Variants in RGS9 observed in about 807,000 individuals in gnomAD.
RGS9 encodes regulator of G protein signaling 9.
Under a neutral mutation model 102.0 loss-of-function variants are expected in RGS9, and 78 were observed. The observed-to-expected ratio is 0.76, with a 90% CI of 0.64 to 0.92. The LOEUF is 0.92. Ranked by LOEUF, RGS9 falls within the 40% of genes least tolerant of loss-of-function variation. The pLI is 0.00. For synonymous variants in RGS9, 353 were observed against 318.6 expected, an observed-to-expected ratio of 1.11 and a Z score of -1.15; for missense variants, 833 against 866.1, an observed-to-expected ratio of 0.96 and a Z score of 0.48.
intron 9 of RGS9, among the ~76,000 whole-genome samples, chr17:65,187,900 G>A (rs1341286562): frequency 6.6e-6 from 1 of 152,162 alleles, no homozygotes; most frequent in Non-Finnish European, 1.5e-5. Flanking sequence ...GGAGACTGAA[G>A]CAGGAGAATC....
chr17:65,182,905 T>G (rs1162734531), intron 9 of RGS9, among the ~76,000 whole-genome samples: 1 of 152,216 alleles, frequency 6.6e-6, no homozygotes, highest in Non-Finnish European at 1.5e-5. Context: ...TTCTGAACAG[T>G]GAACTGCATT....
intron 18 of RGS9, among the ~76,000 whole-genome samples, chr17:65,226,039 C>T (rs988044942): frequency 2.0e-5 from 3 of 152,156 alleles, no homozygotes; most frequent in South Asian, 2.1e-4. Context: ...AATGAAAGTG[C>T]GTAGCCTTTG....
intron 9 of RGS9, chr17:65,188,916 T>C (rs1284162526): frequency 7.3e-6 from 2 of 274,398 alleles, no homozygotes; most frequent in East Asian, 8.9e-5. Flanking sequence ...CACCTGGCCT[T>C]CCCCATTTTT....
intron 15 of RGS9, among the ~76,000 whole-genome samples, chr17:65,205,542 TTGATATAGGTTATA>T (rs1436080755): frequency 2.0e-5 from 3 of 151,946 alleles, no homozygotes; most frequent in Admixed American, 6.6e-5. Context: ...TATAGGCTAT[TTGATATAGGTTATA>T]TGATATAGGT....
chr17:65,154,150 T>C (rs1313001427), intron 2 of RGS9, among the ~76,000 whole-genome samples: 1 of 150,900 alleles, frequency 6.6e-6, no homozygotes, highest in Non-Finnish European at 1.5e-5. Flanking sequence ...CTTCTAAAAA[T>C]ACAAAAATTA....
rs56275900 is a variant in RGS9, at chr17:65,179,635, CTGTGTGTGTGTGTGTGTGTG to C, written c.654+1860_654+1879del. On this transcript the variant is annotated intron_variant, in intron 9 of 18. Transcript: ENST00000262406. Reference sequence around the variant, plus strand: ...TGACCCAAGCCAGGATACTGCTCAGCTGTGTGTGTGTGTGTGTGTGTGTGTGTGTGTGTGTGTGTGTGTGT... The same window carrying C: ...TGACCCAAGCCAGGATACTGCTCAGCTGTGTGTGTGTGTGTGTGTGTGTGT... 8.0e-5 allele frequency among the ~76,000 whole-genome samples: 10 copies of C among 125,086 alleles called. No homozygotes were observed. In the East Asian group the frequency reaches 1.2e-3, roughly 15 times the overall value. 82.1% of individuals were successfully genotyped at this position (125,086 alleles called of 152,430 possible).
chr17:65,163,018 T>G lies in RGS9; in HGVS notation c.429T>G (p.Asn143Lys), dbSNP rs760791260. ...KGILEEYEKE[N>K]YNFLNQKMNY... is the part of the protein sequence containing the mutation. ...ATTTTGTTTTTCTTCTTTAGGAAAATTACAATTTCTTGAACCAAAAAATGA... is the reference window on the plus strand; with the variant it reads ...ATTTTGTTTTTCTTCTTTAGGAAAAGTACAATTTCTTGAACCAAAAAATGA... The change falls in exon 7 of 19, where the codon AAT becomes AAG. Residue 143 changes from asparagine (N) to lysine (K), a missense_variant. Asn to Lys is a moderately conservative substitution (Grantham distance 94, BLOSUM62 0). Around this residue, in one of 3 missense-constraint regions of RGS9, gnomAD observed 328 missense variants for 340.6 expected, o/e 0.96. Transcript: ENST00000262406. The G allele has an allele frequency of 3.2e-6, 5 of 1,559,644 alleles. No homozygotes were observed. Among genetic ancestry groups the G allele is most frequent in the Non-Finnish European group, 4.4e-6 (5 of 1,131,654 alleles).
At position 65,225,010 on chromosome 17, in the gene RGS9, G is replaced by A. The variant is rs1417559518; in HGVS notation, c.1416G>A (p.Gln472=). 10 of 1,613,676 alleles carry A rather than the reference G, an allele frequency of 6.2e-6. No homozygotes were observed. The highest frequency in any genetic ancestry group is 8.5e-6 in the Non-Finnish European group (10 of 1,180,004). ...ANTVDITQPG[Q]HMAPSPHLTV... ...CCTTTCCTTCTCTACAGCCGGGCCA[G>A]CACATGGCTCCCAGCCCCCATCTGA... The change falls in exon 18 of 19, where the codon CAG becomes CAA. Residue 472 remains glutamine (Q), a synonymous_variant. Coordinates refer to ENST00000262406, the MANE Select transcript of RGS9 (RefSeq NM_003835.4).
rs528005789 is a variant in RGS9 at position 65,210,759 on chromosome 17, G to T, written c.1407+154G>T. ...AAGGTTCCATTCCCCATTTGTGGAG[G>T]TCATCAGGTTCATCCCATACTCCTC... On this transcript the variant is annotated intron_variant, in intron 17 of 18. Transcript: ENST00000262406. 2.7e-5 allele frequency: 35 copies of T among 1,316,478 alleles called. No homozygotes were observed. The East Asian group carries it at 8.1e-4, about 30-fold the overall frequency. 81.5% of individuals were successfully genotyped at this position (1,316,478 alleles called of 1,614,324 possible).
intron 7 of RGS9, among the ~76,000 whole-genome samples, chr17:65,163,310 A>G (rs371881956): frequency 6.6e-6 from 1 of 151,294 alleles, no homozygotes; most frequent in Non-Finnish European, 1.5e-5. Context: ...AGTAGCTGAG[A>G]TTACAGGCAC....
chr17:65,168,108 G>A, intron 7 of RGS9, 92 bp from the exon 8 acceptor site: 1 of 792,734 alleles, frequency 1.3e-6, no homozygotes, highest in East Asian at 2.7e-5. Context: ...GGGCAGGTTG[G>A]GAGAGGGGTC....
chr17:65,164,975 A>G (rs1338750396), intron 7 of RGS9, among the ~76,000 whole-genome samples: 4 of 152,162 alleles, frequency 2.6e-5, no homozygotes, highest in Non-Finnish European at 5.9e-5. Flanking sequence ...ACTTGGTGAG[A>G]TAATGGTAGA....
At chr17:65,215,963 G>A (rs1913510370) in intron 17 of RGS9, among the ~76,000 whole-genome samples, 1 of 152,120 alleles carries the variant, frequency 6.6e-6, no homozygotes, top group Admixed American at 6.6e-5. Context: ...GACACAGAGG[G>A]TATCAGGACT....
Position 65,227,514 on chromosome 17 carries a change from G to T in RGS9, c.*107G>T. On this transcript the variant is annotated 3_prime_UTR_variant, in exon 19 of 19. Transcript: ENST00000262406. ...TGCTCGAGAACCAAAGTGCATTTGG[G>T]TGACATTTGAAGATTGGGGAGACAA... 6.9e-7 allele frequency: 1 copy of T among 1,456,058 alleles called. No homozygotes were observed. Among genetic ancestry groups the T allele is most frequent in the South Asian group, 1.2e-5 (1 of 81,978 alleles). 90.2% of individuals were successfully genotyped at this position (1,456,058 alleles called of 1,614,324 possible). A position where few individuals can be genotyped will look rare whatever the true frequency, so the allele number is the denominator to read the frequency against.
At chr17:65,224,435 C>T (rs1905523018) in intron 17 of RGS9, among the ~76,000 whole-genome samples, 1 of 152,204 alleles carries the variant, frequency 6.6e-6, no homozygotes, top group African/African-American at 2.4e-5. Context: ...TGGGAAGGTG[C>T]TGGGCCTAGA....
At chr17:65,171,001 A>G (rs1209577258) in intron 8 of RGS9, among the ~76,000 whole-genome samples, 1 of 152,216 alleles carries the variant, frequency 6.6e-6, no homozygotes, top group Non-Finnish European at 1.5e-5. Context: ...ACAGGCTGCC[A>G]GACTGTCTCC....
intron 2 of RGS9, among the ~76,000 whole-genome samples, chr17:65,154,080 G>A (rs1424704929): frequency 6.6e-6 from 1 of 152,206 alleles, no homozygotes; most frequent in African/African-American, 2.4e-5. Flanking sequence ...GCCGAGGCAG[G>A]TGGATCACCT....
intron 13 of RGS9, among the ~76,000 whole-genome samples, chr17:65,201,096 G>A (rs1464665844): frequency 6.9e-6 from 1 of 144,294 alleles, no homozygotes; most frequent in African/African-American, 2.7e-5. Flanking sequence ...CACACTCCAC[G>A]ATTTACACAC....
At chr17:65,164,395 A>G (rs1911096932) in intron 7 of RGS9, among the ~76,000 whole-genome samples, 1 of 152,230 alleles carries the variant, frequency 6.6e-6, no homozygotes, top group South Asian at 2.1e-4. Context: ...GTGGGGACAT[A>G]GAATCCTACT....
Sources: gnomAD v4.1 joint callset for allele counts (sites outside exome capture counted in the v4.1 genomes callset) on GRCh38, gnomAD v4.1.1 for gene constraint, gnomAD v4.1.1 regional missense constraint, MANE v1.5 for transcripts, NCBI Gene and HGNC (gene_info 2026-07-23, HGNC 2026-07-21) for gene names.